The following NBEA variants were observed in gnomAD, a reference collection of about 807,000 sequenced individuals.
The protein encoded by NBEA is neurobeachin.
Under a neutral mutation model 343.4 loss-of-function variants are expected in NBEA, and 44 were observed. The observed-to-expected ratio is 0.13, with a 90% CI of 0.10 to 0.16. The LOEUF (loss-of-function observed/expected upper bound fraction) is 0.16. NBEA is among the 10% of genes least tolerant of loss of function. The probability of loss-of-function intolerance (pLI) is 1.00; values close to 1 mark genes in which losing one functional copy is unlikely to be tolerated. For missense variants in NBEA, 2,555 were observed against 3,631.3 expected (o/e 0.70, Z 7.62); for synonymous variants, 1,175 against 1,238.7 (o/e 0.95, Z 1.08).
At chr13:35,603,121 C>T (rs2082128943) in intron 47 of NBEA, among the ~76,000 whole-genome samples, 1 of 152,036 alleles carries the variant, frequency 6.6e-6, no homozygotes, top group African/African-American at 2.4e-5. Flanking sequence ...GGGTTTATAT[C>T]CTTTTCCTTT....
intron 33 of NBEA, among the ~76,000 whole-genome samples, chr13:35,225,103 G>A (rs2152764432): frequency 1.3e-5 from 2 of 152,212 alleles, no homozygotes; most frequent in Middle Eastern, 3.4e-3. Context: ...TCTACACTAT[G>A]TAGTCCCTTC....
At chr13:35,083,834 C>T (rs1460558718) in intron 10 of NBEA, among the ~76,000 whole-genome samples, 1 of 152,024 alleles carries the variant, frequency 6.6e-6, no homozygotes, top group Non-Finnish European at 1.5e-5. Context: ...GGAAACCCAT[C>T]TCATGTGCAG....
intron 47 of NBEA, among the ~76,000 whole-genome samples, chr13:35,597,040 C>T (rs1384730995): frequency 1.3e-5 from 2 of 152,112 alleles, no homozygotes; most frequent in Non-Finnish European, 2.9e-5. Context: ...ATATATTAAA[C>T]TGAAATGTCA....
At chr13:35,424,197 G>A (rs947145391) in intron 38 of NBEA, among the ~76,000 whole-genome samples, 4 of 152,144 alleles carry the variant, frequency 2.6e-5, no homozygotes, top group Non-Finnish European at 5.9e-5. Flanking sequence ...TTGAATAGGA[G>A]TGGTGAGAGA....
At chr13:35,068,244 A>T (rs1392686466) in intron 8 of NBEA, among the ~76,000 whole-genome samples, 2 of 152,162 alleles carry the variant, frequency 1.3e-5, no homozygotes, top group Non-Finnish European at 2.9e-5. Flanking sequence ...ATGGACTCAG[A>T]AAAACTAAGA....
intron 38 of NBEA, among the ~76,000 whole-genome samples, chr13:35,414,218 T>A (rs370754236): frequency 4.7e-5 from 7 of 147,580 alleles, no homozygotes; most frequent in African/African-American, 1.8e-4. Context: ...TTAATAATAG[T>A]CACATCTACA....
intron 36 of NBEA, among the ~76,000 whole-genome samples, chr13:35,342,970 A>G (rs931965797): frequency 2.0e-5 from 3 of 152,108 alleles, no homozygotes; most frequent in African/African-American, 7.2e-5. Flanking sequence ...TTAAAAACCA[A>G]ATTTCTCAGA....
chr13:35,384,778 G>A (rs756824474), intron 38 of NBEA, among the ~76,000 whole-genome samples: 2 of 152,100 alleles, frequency 1.3e-5, no homozygotes, highest in Admixed American at 6.6e-5. Context: ...CACCCACCTC[G>A]GCCTCCCAAA....
intron 41 of NBEA, among the ~76,000 whole-genome samples, chr13:35,501,934 TGTGTATA>T: frequency 6.6e-6 from 1 of 152,158 alleles, no homozygotes; most frequent in Non-Finnish European, 1.5e-5. Flanking sequence ...TGTGCATACA[TGTGTATA>T]TACACACGTG....
At chr13:35,195,064 AATTT>A (rs2072481983) in intron 30 of NBEA, among the ~76,000 whole-genome samples, 1 of 152,088 alleles carries the variant, frequency 6.6e-6, no homozygotes, top group Non-Finnish European at 1.5e-5. Context: ...TACGTATTGT[AATTT>A]TAAAATGATC....
intron 24 of NBEA, among the ~76,000 whole-genome samples, chr13:35,165,565 C>T (rs548230831): frequency 6.6e-6 from 1 of 152,210 alleles, no homozygotes; most frequent in Admixed American, 6.5e-5. Context: ...CACTCCTTTT[C>T]TTTAATCTCT....
At position 35,459,015 on chromosome 13, in the gene NBEA, C is replaced by CACACACA. The variant is rs1555270504; in HGVS notation, c.6448+6780_6448+6781insACACACA. Among the ~76,000 whole-genome samples, 17 of 104,966 alleles carry CACACACA rather than the reference C, an allele frequency of 1.6e-4. 1 individual carries two copies. The highest frequency in any genetic ancestry group is 6.8e-4 in the African/African-American group (15 of 22,044). 68.9% of individuals were successfully genotyped at this position (104,966 alleles called of 152,430 possible). On this transcript the variant is annotated intron_variant, in intron 40 of 58. Coordinates refer to ENST00000379939, the MANE Select transcript of NBEA (RefSeq NM_001385012.1). ...TATTTCTTTACCACCGCCCCCCCCC[C>CACACACA]CCCACACACACACACACACACACTT...
intron 38 of NBEA, among the ~76,000 whole-genome samples, chr13:35,370,626 A>G (rs1269026072): frequency 1.3e-5 from 2 of 151,572 alleles, no homozygotes; most frequent in Admixed American, 1.3e-4. Flanking sequence ...TCTCTCTTTT[A>G]TTGTTTATCA....
chr13:35,331,664 A>G (rs1266815522), intron 36 of NBEA, among the ~76,000 whole-genome samples: 1 of 152,102 alleles, frequency 6.6e-6, no homozygotes, highest in Non-Finnish European at 1.5e-5. Context: ...GTTACTTCCA[A>G]GAACATCAGA....
chr13:34,981,824 T>C lies in NBEA; in HGVS notation c.294+38710T>C, dbSNP rs915430884. Among the ~76,000 whole-genome samples the C allele has an allele frequency of 2.0e-5, 3 of 151,916 alleles. No homozygotes were observed. The South Asian group carries it at 6.2e-4, about 31-fold the overall frequency. ...TCAGTAAATTGTGTTTTGCAAGGGATTTATTTGTGTCATCTAAGTAGTTGA... is the reference window on the plus strand; with the variant it reads ...TCAGTAAATTGTGTTTTGCAAGGGACTTATTTGTGTCATCTAAGTAGTTGA... On this transcript the variant is annotated intron_variant, in intron 1 of 58. Transcript: ENST00000379939.
chr13:35,429,713 C>T lies in NBEA; in HGVS notation c.6180-2556C>T, dbSNP rs555459389. On this transcript the variant is annotated intron_variant, in intron 38 of 58. Transcript: ENST00000379939. ...AGTGGTGACTTCTGAGATTTTGGTGCACCCATCACCTGAGCAGTGTACCCT... is the reference window on the plus strand; with the variant it reads ...AGTGGTGACTTCTGAGATTTTGGTGTACCCATCACCTGAGCAGTGTACCCT... Among the ~76,000 whole-genome samples, 402 of 151,936 alleles carry T rather than the reference C, an allele frequency of 2.6e-3. 3 individuals are homozygous for T. Among genetic ancestry groups the T allele is most frequent in the Non-Finnish European group, 4.0e-3 (270 of 68,004 alleles).
At chr13:35,191,435 T>C (rs2072185910) in intron 30 of NBEA, among the ~76,000 whole-genome samples, 1 of 152,120 alleles carries the variant, frequency 6.6e-6, no homozygotes, top group South Asian at 2.1e-4. Flanking sequence ...GTAATAATAT[T>C]TAATTCCTGA....
At chr13:35,100,384 G>T (rs911645469) in intron 11 of NBEA, among the ~76,000 whole-genome samples, 2 of 151,906 alleles carry the variant, frequency 1.3e-5, no homozygotes, top group Admixed American at 6.6e-5. Flanking sequence ...ACATTATTAA[G>T]AACTTAAGGT....
At chr13:34,960,585 T>A (rs2059631513) in intron 1 of NBEA, among the ~76,000 whole-genome samples, 1 of 152,068 alleles carries the variant, frequency 6.6e-6, no homozygotes, top group Non-Finnish European at 1.5e-5. Flanking sequence ...AGGTGTACCA[T>A]GTTTTATCTT....
Sources: gnomAD v4.1 joint callset for allele counts (sites outside exome capture counted in the v4.1 genomes callset) on GRCh38, gnomAD v4.1.1 for gene constraint, MANE v1.5 for transcripts, NCBI Gene and HGNC (gene_info 2026-07-23, HGNC 2026-07-21) for gene names.